Variants in ZNF536 observed in about 807,000 individuals in gnomAD.
ZNF536 encodes the protein zinc finger protein 536.
A neutral mutation model predicts 84.5 loss-of-function variants in ZNF536; 13 were observed. The observed-to-expected ratio is 0.15, with a 90% CI of 0.10 to 0.24. The LOEUF (loss-of-function observed/expected upper bound fraction) is 0.24, where lower values mean the gene tolerates loss of function less well. ZNF536 is among the 10% of genes least tolerant of loss of function. ZNF536 has a pLI of 1.00. For synonymous variants in ZNF536, 811 were observed against 742.5 expected (o/e 1.09, Z -1.50); for missense variants, 1,536 against 1,747.5 (o/e 0.88, Z 2.16).
chr19:30,375,645 G>A (rs142668554), intron 1 of ZNF536, among the ~76,000 whole-genome samples: 2 of 152,370 alleles, frequency 1.3e-5, no homozygotes, highest in Admixed American at 1.3e-4. Context: ...GCGCATATGG[G>A]CATGAGTGTA....
chr19:30,283,393 T>A (rs1387493265), intron 1 of ZNF536, among the ~76,000 whole-genome samples: 2 of 152,220 alleles, frequency 1.3e-5, no homozygotes, highest in African/African-American at 4.8e-5. Flanking sequence ...TTGTCCTTTA[T>A]CACCTCTGAG....
chr19:30,308,816 C>G (rs1323477402), intron 2 of ZNF536, among the ~76,000 whole-genome samples: 1 of 152,156 alleles, frequency 6.6e-6, no homozygotes, highest in Non-Finnish European at 1.5e-5. Flanking sequence ...AGGCTATGTT[C>G]CCAAGTGGAG....
intron 2 of ZNF536, among the ~76,000 whole-genome samples, chr19:30,519,535 A>T (rs1234785966): frequency 1.3e-5 from 2 of 152,174 alleles, no homozygotes; most frequent in Non-Finnish European, 2.9e-5. Flanking sequence ...GCCCTGGGAT[A>T]CCAGACACCA....
At chr19:30,629,394 C>T (rs2048806056) in intron 1 of ZNF536, among the ~76,000 whole-genome samples, 1 of 152,086 alleles carries the variant, frequency 6.6e-6, no homozygotes, top group South Asian at 2.1e-4. Flanking sequence ...CAGGGTTTTG[C>T]CATGTTGCCC....
At chr19:30,561,661 G>C (rs896191923), downstream of ZNF536, among the ~76,000 whole-genome samples, 3 of 152,182 alleles carry the variant, frequency 2.0e-5, no homozygotes, top group Admixed American at 6.5e-5. Flanking sequence ...GGTCCTCTAA[G>C]GTACTACGTG....
At chr19:30,549,613 T>C in intron 4 of ZNF536, 99 bp downstream of exon 4, 1 of 1,336,340 alleles carries the variant, frequency 7.5e-7, no homozygotes, top group African/African-American at 1.5e-5. Flanking sequence ...TGAGCAACTT[T>C]TGAATGAAAT....
intron 2 of ZNF536, among the ~76,000 whole-genome samples, chr19:30,306,975 G>A (rs906448367): frequency 6.6e-6 from 1 of 152,096 alleles, no homozygotes. Context: ...TGAGGGAACC[G>A]ACAGAAAAAA....
intron 1 of ZNF536, among the ~76,000 whole-genome samples, chr19:30,706,154 G>A (rs1357550741): frequency 2.0e-5 from 3 of 152,182 alleles, no homozygotes; most frequent in Non-Finnish European, 2.9e-5. Context: ...GGATTCATAC[G>A]TGAAATTATT....
At chr19:30,319,141 CA>C (rs2046774962) in intron 2 of ZNF536, among the ~76,000 whole-genome samples, 1 of 152,178 alleles carries the variant, frequency 6.6e-6, no homozygotes, top group Non-Finnish European at 1.5e-5. Context: ...GGCATGGCCA[CA>C]AGTGTATTCT....
intron 2 of ZNF536, among the ~76,000 whole-genome samples, chr19:30,533,932 G>A (rs1194176903): frequency 1.3e-5 from 2 of 152,228 alleles, no homozygotes; most frequent in Non-Finnish European, 2.9e-5. Context: ...GACCTCTTTG[G>A]CAGTGTGATG....
chr19:30,606,170 T>TAAATAAAATAAAATAAAATAAAATA (rs11454529), intron 1 of ZNF536, among the ~76,000 whole-genome samples: 4 of 101,626 alleles, frequency 3.9e-5, no homozygotes, highest in Non-Finnish European at 7.8e-5. Context: ...TAAAATAAAA[T>TAAATAAAATAAAATAAAATAAAATA]AAATAAAATA....
chr19:30,709,828 G>T (rs1391084930), intron 1 of ZNF536, among the ~76,000 whole-genome samples: 1 of 152,096 alleles, frequency 6.6e-6, no homozygotes, highest in East Asian at 1.9e-4. Flanking sequence ...TGTTGCCCAG[G>T]CTGATCTCAA....
intron 1 of ZNF536, among the ~76,000 whole-genome samples, chr19:30,275,335 C>A (rs543309190): frequency 6.6e-6 from 1 of 152,208 alleles, no homozygotes; most frequent in Non-Finnish European, 1.5e-5. Flanking sequence ...TCTCCTTCCT[C>A]ACCTTGTCCT....
chr19:30,597,246 A>AAT (rs1462588144), intron 1 of ZNF536, among the ~76,000 whole-genome samples: 12 of 151,846 alleles, frequency 7.9e-5, no homozygotes, highest in East Asian at 3.9e-4. Context: ...GTCTAGTCTA[A>AAT]ATATATATAT....
At chr19:30,468,784 C>T (rs1253423768) in intron 2 of ZNF536, among the ~76,000 whole-genome samples, 1 of 152,070 alleles carries the variant, frequency 6.6e-6, no homozygotes, top group East Asian at 1.9e-4. Context: ...CCCATCGACA[C>T]CTAGGCAGAG....
At chr19:30,230,990 A>G (rs1246757652) in intron 1 of ZNF536, among the ~76,000 whole-genome samples, 9 of 151,704 alleles carry the variant, frequency 5.9e-5, no homozygotes, top group Admixed American at 5.2e-4. Context: ...TTTTTTTATA[A>G]GAAGAGTATC....
intron 1 of ZNF536, among the ~76,000 whole-genome samples, chr19:30,686,754 C>T (rs541904643): frequency 6.6e-6 from 1 of 152,298 alleles, no homozygotes; most frequent in South Asian, 2.1e-4. Context: ...CTCTCATCGC[C>T]TTCATTATCT....
intron 1 of ZNF536, among the ~76,000 whole-genome samples, chr19:30,620,570 C>T (rs1040084575): frequency 1.3e-5 from 2 of 152,134 alleles, no homozygotes; most frequent in African/African-American, 2.4e-5. Flanking sequence ...TCCTCTGAGA[C>T]GGCCTCTCTC....
upstream of ZNF536, among the ~76,000 whole-genome samples, chr19:30,370,911 A>G (rs1387408700): frequency 6.6e-6 from 1 of 152,224 alleles, no homozygotes; most frequent in African/African-American, 2.4e-5. Flanking sequence ...TGTGCTGGGT[A>G]CAAAGGTAGT....
Sources: gnomAD v4.1 joint callset for allele counts (sites outside exome capture counted in the v4.1 genomes callset) on GRCh38, gnomAD v4.1.1 for gene constraint, MANE v1.5 for transcripts, NCBI Gene and HGNC (gene_info 2026-07-23, HGNC 2026-07-21) for gene names.